Variants in CHRM2 observed in about 807,000 individuals in gnomAD.
CHRM2 encodes cholinergic receptor muscarinic 2.
A neutral mutation model predicts 25.0 loss-of-function variants in CHRM2; 8 were observed. That is an observed-to-expected ratio of 0.32 (90% confidence interval 0.19 to 0.58). The LOEUF (loss-of-function observed/expected upper bound fraction) is 0.58. Among genes scored for constraint, CHRM2 ranks in the 20% least tolerant of loss-of-function variants. CHRM2 has a pLI of 0.88. For synonymous variants in CHRM2, 202 were observed against 205.7 expected (o/e 0.98, Z 0.15); for missense variants, 440 against 567.1 (o/e 0.78, Z 2.28).
At chr7:137,008,902 A>G (rs1013992792) in intron 3 of CHRM2, among the ~76,000 whole-genome samples, 1 of 151,964 alleles carries the variant, frequency 6.6e-6, no homozygotes, top group Admixed American at 6.6e-5. Flanking sequence ...GTTTTATGCC[A>G]TTGTGTAATA....
At chr7:136,928,303 C>G (rs148889338) in intron 2 of CHRM2, among the ~76,000 whole-genome samples, 1 of 152,010 alleles carries the variant, frequency 6.6e-6, no homozygotes, top group African/African-American at 2.4e-5. Context: ...TCATGATTCC[C>G]CTAAGTGGGT....
At chr7:136,916,912 T>C (rs1798148769) in intron 2 of CHRM2, among the ~76,000 whole-genome samples, 1 of 151,570 alleles carries the variant, frequency 6.6e-6, no homozygotes, top group African/African-American at 2.4e-5. Flanking sequence ...TCGAGAAACT[T>C]AGTCTCAGAT....
At chr7:136,959,306 G>A (rs555315215) in intron 2 of CHRM2, among the ~76,000 whole-genome samples, 1 of 152,170 alleles carries the variant, frequency 6.6e-6, no homozygotes, top group African/African-American at 2.4e-5. Flanking sequence ...TTTAAAGGAG[G>A]TTATGCCCTT....
chr7:136,944,637 T>C (rs1799966362), intron 2 of CHRM2, among the ~76,000 whole-genome samples: 1 of 152,118 alleles, frequency 6.6e-6, no homozygotes, highest in African/African-American at 2.4e-5. Flanking sequence ...AAACATTTCA[T>C]GTGCAAGCAT....
At chr7:136,971,008 T>A (rs144312261) in intron 2 of CHRM2, among the ~76,000 whole-genome samples, 2 of 152,358 alleles carry the variant, frequency 1.3e-5, no homozygotes, top group East Asian at 1.9e-4. Context: ...ATTACTCCTC[T>A]TCTCCATCCT....
chr7:136,970,023 T>C (rs1158090639), intron 2 of CHRM2, among the ~76,000 whole-genome samples: 2 of 152,198 alleles, frequency 1.3e-5, no homozygotes, highest in African/African-American at 4.8e-5. Context: ...GGAAGAGTTC[T>C]TTAGTGTCTC....
intron 3 of CHRM2, among the ~76,000 whole-genome samples, chr7:136,995,958 C>T (rs996732101): frequency 5.3e-5 from 8 of 151,276 alleles, no homozygotes; most frequent in South Asian, 2.1e-4. Context: ...AATATTGCTA[C>T]GGGTGTAAGA....
rs147408950 is a variant in CHRM2 at position 136,946,893 on chromosome 7, T to G, written c.-124-45294T>G. Among the ~76,000 whole-genome samples, 793 of 152,268 alleles carry G rather than the reference T, an allele frequency of 5.2e-3. 29 individuals are homozygous for G. Among genetic ancestry groups the G allele is most frequent in the Admixed American group, 0.048 (727 of 15,278 alleles). On this transcript the variant is annotated intron_variant, in intron 2 of 3. Transcript: ENST00000680005. ...TCTGACTCTGTGGGGCCCTTCTGGG[T>G]CACTGTCAGCATCTAGGTCTTCAGT...
intron 2 of CHRM2, among the ~76,000 whole-genome samples, chr7:136,952,221 T>C (rs962409389): frequency 6.6e-6 from 1 of 152,210 alleles, no homozygotes; most frequent in Non-Finnish European, 1.5e-5. Context: ...GCGTTTCTAA[T>C]ATGATGACAT....
chr7:136,921,770 C>CTTTT (rs778596477), intron 2 of CHRM2, among the ~76,000 whole-genome samples: 1 of 116,176 alleles, frequency 8.6e-6, no homozygotes, highest in African/African-American at 2.8e-5. Context: ...ATGCAATTTT[C>CTTTT]TTTCTTTCTT....
intron 2 of CHRM2, among the ~76,000 whole-genome samples, chr7:136,980,902 T>C (rs971900808): frequency 1.3e-5 from 2 of 152,202 alleles, no homozygotes; most frequent in African/African-American, 4.8e-5. Flanking sequence ...CTTGAAATTT[T>C]CTTTCTTTTG....
chr7:137,001,162 C>G (rs927060138), intron 3 of CHRM2, among the ~76,000 whole-genome samples: 1 of 152,138 alleles, frequency 6.6e-6, no homozygotes, highest in East Asian at 1.9e-4. Flanking sequence ...ATCCCTGCCC[C>G]CTTCAATGCT....
At chr7:136,903,332 A>AGCT in intron 2 of CHRM2, 1 of 477,020 alleles carries the variant, frequency 2.1e-6, no homozygotes, top group Non-Finnish European at 4.2e-6. Context: ...TGTCTTCTAT[A>AGCT]GTGTATGTGC....
intron 2 of CHRM2, among the ~76,000 whole-genome samples, chr7:136,882,129 T>C (rs1220073404): frequency 6.6e-6 from 1 of 152,070 alleles, no homozygotes; most frequent in African/African-American, 2.4e-5. Flanking sequence ...AGGAAACTGA[T>C]ACTGTTTGAA....
At chr7:136,879,563 C>T (rs1405956647) in intron 2 of CHRM2, among the ~76,000 whole-genome samples, 1 of 151,958 alleles carries the variant, frequency 6.6e-6, no homozygotes, top group Non-Finnish European at 1.5e-5. Context: ...ATTTTACACT[C>T]TTACATTTCA....
Position 137,015,174 on chromosome 7 carries a change from C to T in CHRM2, c.309C>T (p.Asp103=), listed in dbSNP as rs1805088833. Reference sequence around the variant, plus strand: ...TGTGTGACCTTTGGCTAGCCCTGGACTATGTGGTCAGCAATGCCTCAGTTA... The same window carrying T: ...TGTGTGACCTTTGGCTAGCCCTGGATTATGTGGTCAGCAATGCCTCAGTTA... The part of the protein sequence containing the change: ...PVVCDLWLAL[D]YVVSNASVMN... The change falls in exon 4 of 4, where the codon GAC becomes GAT. Residue 103 remains aspartate, a synonymous_variant. Transcript: ENST00000680005. The surrounding 1 kb of genome is among the most constrained non-coding windows in gnomAD (Gnocchi z 5.1). 2 of 1,613,410 alleles carry T rather than the reference C, an allele frequency of 1.2e-6. No homozygotes were observed. The highest frequency in any genetic ancestry group is 1.7e-5 in the Admixed American group (1 of 59,934).
At chr7:137,011,194 C>CGTGTGTGTGTGTGTGTGTGT (rs146093146) in intron 3 of CHRM2, among the ~76,000 whole-genome samples, 9 of 136,428 alleles carry the variant, frequency 6.6e-5, no homozygotes, top group African/African-American at 9.3e-5. Context: ...TATATGTGTA[C>CGTGTGTGTGTGTGTGTGTGT]GTGTGTGTGT....
At chr7:136,879,618 T>G (rs2130496330) in intron 2 of CHRM2, among the ~76,000 whole-genome samples, 1 of 152,078 alleles carries the variant, frequency 6.6e-6, no homozygotes, top group East Asian at 1.9e-4. Context: ...AATCAAGGAT[T>G]ATCTTTCACA....
rs1805198257 is a variant in CHRM2, at chr7:137,016,477, G to A, written c.*211G>A. ...ATAAACTGTCAGTATTAGGAGCAAT[G>A]AGACAATGAAAGAAACATGTTGGGA... On this transcript the variant is annotated 3_prime_UTR_variant, in exon 4 of 4. Transcript: ENST00000680005. The A allele has an allele frequency of 1.8e-6, 1 of 571,046 alleles. No homozygotes were observed. The highest frequency in any genetic ancestry group is 1.9e-5 in the African/African-American group (1 of 53,032). 35.4% of individuals were successfully genotyped at this position (571,046 alleles called of 1,614,324 possible).
Sources: gnomAD v4.1 joint callset for allele counts (sites outside exome capture counted in the v4.1 genomes callset) on GRCh38, gnomAD v4.1.1 for gene constraint, Gnocchi (gnomAD v3.1) non-coding constraint, MANE v1.5 for transcripts, NCBI Gene and HGNC (gene_info 2026-07-23, HGNC 2026-07-21) for gene names.